The following AK5 variants were observed in gnomAD, a reference collection of about 807,000 sequenced individuals.
AK5 encodes adenylate kinase 5.
Under a neutral mutation model 69.5 loss-of-function variants are expected in AK5, and 27 were observed. The observed-to-expected ratio is 0.39, with a 90% CI of 0.29 to 0.54. The LOEUF is 0.54. Ranked by LOEUF, AK5 falls within the 20% of genes least tolerant of loss-of-function variation. The pLI is 0.71. For missense variants in AK5, 531 were observed against 700.4 expected (o/e 0.76, Z 2.73); for synonymous variants, 260 against 244.4 (o/e 1.06, Z -0.60).
intron 6 of AK5, among the ~76,000 whole-genome samples, chr1:77,383,237 A>C (rs982749797): frequency 6.6e-6 from 1 of 152,200 alleles, no homozygotes; most frequent in Non-Finnish European, 1.5e-5. Context: ...AAGAGTCACT[A>C]TACTTAACAA....
intron 8 of AK5, among the ~76,000 whole-genome samples, chr1:77,467,437 A>G (rs942144228): frequency 6.6e-6 from 1 of 151,926 alleles, no homozygotes; most frequent in African/African-American, 2.4e-5. Flanking sequence ...TAGGAAAAAC[A>G]CTTCGGAAAT....
intron 6 of AK5, among the ~76,000 whole-genome samples, chr1:77,391,515 A>G (rs1276871114): frequency 3.2e-5 from 4 of 125,108 alleles, no homozygotes; most frequent in Middle Eastern, 4.2e-3. Flanking sequence ...ATATATATAT[A>G]TATATATATA....
At chr1:77,397,557 T>G (rs748082282) in intron 6 of AK5, among the ~76,000 whole-genome samples, 3 of 152,186 alleles carry the variant, frequency 2.0e-5, no homozygotes, top group Non-Finnish European at 4.4e-5. Context: ...TTAATAAACA[T>G]TAAGCTTCTC....
intron 5 of AK5, among the ~76,000 whole-genome samples, chr1:77,337,165 A>G (rs1323786442): frequency 6.6e-6 from 1 of 152,210 alleles, no homozygotes; most frequent in African/African-American, 2.4e-5. Flanking sequence ...AAAAAACCAC[A>G]TAAATTTCAA....
At chr1:77,323,576 A>G (rs1660642522) in intron 5 of AK5, among the ~76,000 whole-genome samples, 1 of 152,246 alleles carries the variant, frequency 6.6e-6, no homozygotes, top group Non-Finnish European at 1.5e-5. Context: ...GATCGAAATG[A>G]ACGAGCAAAT....
At chr1:77,309,107 G>A (rs1406029824) in intron 5 of AK5, among the ~76,000 whole-genome samples, 5 of 151,922 alleles carry the variant, frequency 3.3e-5, no homozygotes, top group Non-Finnish European at 7.4e-5. Context: ...GAGAACATTA[G>A]GAAAAATAGC....
intron 12 of AK5, among the ~76,000 whole-genome samples, chr1:77,529,982 A>T (rs553271099): frequency 6.6e-6 from 1 of 152,202 alleles, no homozygotes; most frequent in Non-Finnish European, 1.5e-5. Context: ...CTTCACAGTG[A>T]TCCCTCTGCC....
chr1:77,430,167 T>C (rs747310544), intron 8 of AK5, among the ~76,000 whole-genome samples: 19 of 148,840 alleles, frequency 1.3e-4, no homozygotes, highest in Non-Finnish European at 1.5e-4. Flanking sequence ...ATCTATGGAG[T>C]CCAGAGTGGG....
At chr1:77,495,618 C>T (rs550308726) in intron 10 of AK5, among the ~76,000 whole-genome samples, 2 of 152,182 alleles carry the variant, frequency 1.3e-5, no homozygotes, top group Non-Finnish European at 2.9e-5. Flanking sequence ...AAAGAAATAG[C>T]ATAGGCACTT....
intron 7 of AK5, among the ~76,000 whole-genome samples, chr1:77,411,676 A>G (rs1055969820): frequency 1.3e-5 from 2 of 152,158 alleles, no homozygotes; most frequent in African/African-American, 4.8e-5. Context: ...TTCAACATCA[A>G]TTCTATGTGG....
At chr1:77,524,669 A>G (rs1658175115) in intron 12 of AK5, among the ~76,000 whole-genome samples, 1 of 152,138 alleles carries the variant, frequency 6.6e-6, no homozygotes, top group Non-Finnish European at 1.5e-5. Flanking sequence ...TGACTTACAG[A>G]TATTTTCTTT....
intron 8 of AK5, among the ~76,000 whole-genome samples, chr1:77,450,633 G>A (rs1329630154): frequency 6.6e-6 from 1 of 152,158 alleles, no homozygotes; most frequent in African/African-American, 2.4e-5. Flanking sequence ...AAGGCATGCT[G>A]CTGCCCCAGA....
chr1:77,435,893 A>T (rs1221370882), intron 8 of AK5, among the ~76,000 whole-genome samples: 1 of 152,214 alleles, frequency 6.6e-6, no homozygotes, highest in African/African-American at 2.4e-5. Flanking sequence ...TATTTATAGC[A>T]AACTTGATTA....
chr1:77,475,358 T>TATATATACAA (rs1491324092), intron 8 of AK5, among the ~76,000 whole-genome samples: 17 of 91,770 alleles, frequency 1.9e-4, no homozygotes, highest in African/African-American at 6.9e-4. Context: ...ACATATATAT[T>TATATATACAA]ATATATATAC....
At chr1:77,517,649 C>T (rs569321930) in intron 10 of AK5, among the ~76,000 whole-genome samples, 10 of 152,112 alleles carry the variant, frequency 6.6e-5, no homozygotes, top group African/African-American at 2.4e-4. Flanking sequence ...CTATGACATA[C>T]TATTATGAAA....
rs757362668 is a variant in AK5, at chr1:77,410,962, C to A, written c.892-19C>A. On this transcript the variant is annotated intron_variant, in intron 6 of 13. Coordinates refer to ENST00000354567, the MANE Select transcript of AK5 (RefSeq NM_174858.3). ...GTGTATTCTCACATTCCAAACTTGT[C>A]TGTCCTGATTTCCCCCAGTTTGATG... 6.2e-7 allele frequency: 1 copy of A among 1,606,538 alleles called. No individual in the cohort carries two copies. The highest frequency in any genetic ancestry group is 2.2e-5 in the East Asian group (1 of 44,800).
chr1:77,497,712 G>A (rs887118059), intron 10 of AK5, among the ~76,000 whole-genome samples: 4 of 151,938 alleles, frequency 2.6e-5, no homozygotes, highest in East Asian at 1.9e-4. Context: ...CTCGGCCCCC[G>A]GAGTAGCTGA....
intron 5 of AK5, among the ~76,000 whole-genome samples, chr1:77,322,800 G>C (rs1660603157): frequency 6.6e-6 from 1 of 152,086 alleles, no homozygotes. Flanking sequence ...AAGGACTGCT[G>C]TTTAGATTCA....
intron 8 of AK5, among the ~76,000 whole-genome samples, chr1:77,454,167 T>C (rs751856601): frequency 6.6e-6 from 1 of 152,204 alleles, no homozygotes; most frequent in Non-Finnish European, 1.5e-5. Context: ...AGACCCCAGC[T>C]AGATATCTGC....
Sources: allele counts gnomAD v4.1 joint callset (sites outside exome capture counted in the v4.1 genomes callset), GRCh38; gene constraint gnomAD v4.1.1; transcripts MANE v1.5; gene names NCBI Gene and HGNC (gene_info 2026-07-23, HGNC 2026-07-21).